The following FAM47C variants were observed in gnomAD, a reference collection of about 807,000 sequenced individuals.
FAM47C encodes putative protein FAM47C.
For synonymous variants in FAM47C, 307 were observed against 346.5 expected, an observed-to-expected ratio of 0.89 and a Z score of 1.27; for missense variants, 847 against 879.9, an observed-to-expected ratio of 0.96 and a Z score of 0.47.
In FAM47C at chrX:37,009,958, G is replaced by T; in HGVS notation, c.1548G>T (p.Glu516Asp). The change falls in exon 1 of 1, where the codon GAG (glutamate) becomes GAT (aspartate). Residue 516 changes from glutamate (E) to aspartate (D), a missense_variant. Glu to Asp is a conservative substitution (Grantham distance 45). Transcript: ENST00000358047. Reference sequence around the variant, plus strand: ...CTCATCTCCGCCCAGAGCCTTCTGAGACTGGAGTGTCCCATCTCCGCCCAG... The same window carrying T: ...CTCATCTCCGCCCAGAGCCTTCTGATACTGGAGTGTCCCATCTCCGCCCAG... ...RVSHLRPEPSETGVSHLRPEP... is the reference protein window; with the variant it reads ...RVSHLRPEPSDTGVSHLRPEP... The T allele has an allele frequency of 8.3e-7, 1 of 1,205,452 alleles. No homozygotes were observed. Among genetic ancestry groups the T allele is most frequent in the Non-Finnish European group, 1.1e-6 (1 of 893,255 alleles).
In FAM47C at chrX:37,009,954, C is replaced by A. The variant is rs782559585; in HGVS notation, c.1544C>A (p.Ser515Tyr). The A allele has an allele frequency of 1.7e-5, 21 of 1,203,321 alleles. No individual in the cohort carries two copies. The highest frequency in any genetic ancestry group is 2.4e-5 in the Non-Finnish European group (21 of 892,635). ...TRVSHLRPEP[S>Y]ETGVSHLRPE... is the part of the protein sequence containing the mutation. ...GTATCTCATCTCCGCCCAGAGCCTTCTGAGACTGGAGTGTCCCATCTCCGC... is the reference window on the plus strand; with the variant it reads ...GTATCTCATCTCCGCCCAGAGCCTTATGAGACTGGAGTGTCCCATCTCCGC... Residue 515 changes from serine to tyrosine, a missense_variant, in exon 1 of 1, where the codon TCT becomes TAT. By Grantham distance (144) the Ser-to-Tyr change is moderately radical. Coordinates refer to ENST00000358047, the MANE Select transcript of FAM47C (RefSeq NM_001013736.3).
chrX:37,008,591 G>T lies in FAM47C; in HGVS notation c.181G>T (p.Gly61Cys). ...VTEGMDDFRY[G>C]CQSPEDTLVC... ...GGAGGGCATGGACGACTTCCGCTAC[G>T]GCTGTCAGTCTCCTGAAGATACGCT... Residue 61 changes from glycine (G) to cysteine (C), a missense_variant, in exon 1 of 1, where the codon GGC becomes TGC. Transcript: ENST00000358047. The T allele has an allele frequency of 8.2e-7, 1 of 1,212,541 alleles. No individual in the cohort carries two copies. Among genetic ancestry groups the T allele is most frequent in the Non-Finnish European group, 1.1e-6 (1 of 895,651 alleles).
chrX:37,011,011 C>T lies in FAM47C; in HGVS notation c.2601C>T (p.Ser867=). ...WAGDLGVNEE[S]ISSLFDFTPE... is the part of the protein sequence containing the mutation. ...GAGACCTAGGAGTTAATGAAGAATCCATCAGCAGTCTGTTTGACTTTACCC... is the reference window on the plus strand; with the variant it reads ...GAGACCTAGGAGTTAATGAAGAATCTATCAGCAGTCTGTTTGACTTTACCC... The change falls in exon 1 of 1, where the codon TCC becomes TCT. Residue 867 remains serine, a synonymous_variant. Transcript: ENST00000358047. The T allele has an allele frequency of 8.3e-7, 1 of 1,212,010 alleles. No individual in the cohort carries two copies. The highest frequency in any genetic ancestry group is 1.1e-6 in the Non-Finnish European group (1 of 895,573).
rs1556331843 is a variant in FAM47C, at chrX:37,009,120, A to G, written c.710A>G (p.Glu237Gly). The G allele has an allele frequency of 1.4e-5, 17 of 1,206,549 alleles. No homozygotes were observed. Among genetic ancestry groups the G allele is most frequent in the Non-Finnish European group, 1.7e-5 (15 of 894,054 alleles). ...PKTQVSSLHL[E>G]PPETGVSHLR... ...ACTCAGGTGTCCAGTCTCCACCTGG[A>G]GCCTCCAGAGACTGGAGTGTCCCAT... Residue 237 changes from glutamate to glycine, a missense_variant, in exon 1 of 1, where the codon GAG becomes GGG. By Grantham distance (98) the Glu-to-Gly change is moderately conservative (BLOSUM62 -2). Transcript: ENST00000358047.
In FAM47C at chrX:37,009,611, CCT is replaced by C. The variant is rs782527178; in HGVS notation, c.1206_1207del (p.Phe403ProfsTer10). Reference sequence around the variant, plus strand: ...AGAGACCCCCAAGAATGGAGTGTCTCCTCTCTTCCCGGAGCCTCCCAAGACTC... The same window carrying C: ...AGAGACCCCCAAGAATGGAGTGTCTCCTCTTCCCGGAGCCTCCCAAGACTC... ...RPETPKNGVS[P>X]LFPEPPKTRI... On this transcript the variant is annotated frameshift_variant, in exon 1 of 1. Transcript: ENST00000358047. LOFTEE classifies it low-confidence loss of function (END_TRUNC). 8.3e-7 allele frequency: 1 copy of C among 1,207,530 alleles called. No homozygotes were observed. The highest frequency in any genetic ancestry group is 1.1e-6 in the Non-Finnish European group (1 of 894,085).
Position 37,010,072 on chromosome X carries a change from A to AGT in FAM47C, c.1665_1666dup (p.Ser556CysfsTer270). ...TCCGCCCAGAGCCTCCTGAGACTGG[A>AGT]GTGTCCCATCTCCGCCCAGAGCCTC... On this transcript the variant is annotated frameshift_variant, in exon 1 of 1. Transcript: ENST00000358047. LOFTEE classifies it low-confidence loss of function (END_TRUNC). The AGT allele has an allele frequency of 8.4e-7, 1 of 1,194,346 alleles. No individual in the cohort carries two copies. Among genetic ancestry groups the AGT allele is most frequent in the African/African-American group, 1.9e-5 (1 of 51,866 alleles).
rs782295827 is a variant in FAM47C at position 37,008,758 on chromosome X, G to GTTCC, written c.351_352insCTTC (p.Val118LeufsTer40). 4.6e-5 allele frequency: 56 copies of GTTCC among 1,209,909 alleles called. No homozygotes were observed. The East Asian group carries it at 1.5e-3, about 33-fold the overall frequency. ...CGCCAGCACAGCCAGCACGGAAGGC[G>GTTCC]TTCGTAGAGGAAGTGGAAGCCCAGC... On this transcript the variant is annotated frameshift_variant, in exon 1 of 1. Transcript: ENST00000358047. LOFTEE classifies it low-confidence loss of function (END_TRUNC).
chrX:37,010,037 G>A lies in FAM47C; in HGVS notation c.1627G>A (p.Val543Ile), dbSNP rs143115052. The A allele has an allele frequency of 1.9e-3, 2,304 of 1,187,918 alleles. 40 individuals carry two copies. In the African/African-American group the frequency reaches 0.038, roughly 19 times the overall value. Reference protein sequence around the residue: ...SLHQAPPESSVSHLRPEPPET... With the variant: ...SLHQAPPESSISHLRPEPPET... ...CCACCAGGCACCTCCTGAGAGTAGC[G>A]TATCTCATCTCCGCCCAGAGCCTCC... The change falls in exon 1 of 1, where the codon GTA (valine) becomes ATA (isoleucine). Residue 543 changes from valine to isoleucine, a missense_variant. Transcript: ENST00000358047.
chrX:37,009,752 T>C lies in FAM47C; in HGVS notation c.1342T>C (p.Ser448Pro), dbSNP rs1569416996. The C allele has an allele frequency of 8.3e-7, 1 of 1,203,585 alleles. No individual in the cohort carries two copies. Among genetic ancestry groups the C allele is most frequent in the African/African-American group, 1.8e-5 (1 of 54,929 alleles). ...CCCGGAACCTCCTGAGACTGGAGTG[T>C]CCCATCTCCGCCCAGAGCCTCCCAA... is the stretch of plus-strand genomic sequence containing the variant. ...LRPEPPETGV[S>P]HLRPEPPKTR... The change falls in exon 1 of 1, where the codon TCC becomes CCC. Residue 448 changes from serine to proline, a missense_variant. Physicochemically the swap from Ser to Pro is moderately conservative, Grantham distance 74. Coordinates refer to ENST00000358047, the MANE Select transcript of FAM47C (RefSeq NM_001013736.3).
chrX:37,009,690 G>T lies in FAM47C; in HGVS notation c.1280G>T (p.Cys427Phe), dbSNP rs782579471. 1.7e-6 allele frequency: 2 copies of T among 1,205,141 alleles called. No individual in the cohort carries two copies. The highest frequency in any genetic ancestry group is 2.2e-5 in the Admixed American group (1 of 45,367). Reference protein sequence around the residue: ...EPPKIGVSHLCLEPPKTRGSH... With the variant: ...EPPKIGVSHLFLEPPKTRGSH... ...CCCAAGATTGGAGTGTCCCATCTCT[G>T]CCTGGAGCCTCCCAAGACTCGCGGA... The change falls in exon 1 of 1, where the codon TGC (cysteine) becomes TTC (phenylalanine). Residue 427 changes from cysteine to phenylalanine, a missense_variant. Coordinates refer to ENST00000358047, the MANE Select transcript of FAM47C (RefSeq NM_001013736.3).
rs182977677 is a variant in FAM47C at position 37,009,927 on chromosome X, G to A, written c.1517G>A (p.Arg506His). The change falls in exon 1 of 1, where the codon CGC becomes CAC. Residue 506 changes from arginine to histidine, a missense_variant. Physicochemically the swap from Arg to His is conservative, Grantham distance 29. Transcript: ENST00000358047. ...SHLCPEPPKT[R>H]VSHLRPEPSE... ...CTCTGCCCAGAGCCCCCCAAGACAC[G>A]CGTATCTCATCTCCGCCCAGAGCCT... 22 of 1,200,604 alleles carry A rather than the reference G, an allele frequency of 1.8e-5. No individual in the cohort carries two copies. The African/African-American group carries it at 3.1e-4, about 17-fold the overall frequency.
Position 37,011,578 on chromosome X carries a change from G to T in FAM47C, c.*60G>T. 2.0e-6 allele frequency: 2 copies of T among 1,008,566 alleles called. No homozygotes were observed. Among genetic ancestry groups the T allele is most frequent in the Non-Finnish European group, 2.7e-6 (2 of 744,114 alleles). The allele number at this position is 1,008,566 out of a possible 1,213,427, so 83.1% of individuals were successfully genotyped here. ...TTGCTCTCATTTTAAACATCAGTCA[G>T]AATTTATGATGACTGGCCCCAGGAA... On this transcript the variant is annotated 3_prime_UTR_variant, in exon 1 of 1. Transcript: ENST00000358047.
chrX:37,009,987 C>G lies in FAM47C; in HGVS notation c.1577C>G (p.Pro526Arg). The part of the protein sequence containing the change: ...ETGVSHLRPE[P>R]PKILVSSLHQ... ...GGAGTGTCCCATCTCCGCCCAGAGCCTCCCAAGATTCTGGTGTCCAGTCTC... is the reference window on the plus strand; with the variant it reads ...GGAGTGTCCCATCTCCGCCCAGAGCGTCCCAAGATTCTGGTGTCCAGTCTC... Residue 526 changes from proline (P) to arginine (R), a missense_variant, in exon 1 of 1, where the codon CCT (proline) becomes CGT (arginine). Coordinates refer to ENST00000358047, the MANE Select transcript of FAM47C (RefSeq NM_001013736.3). The G allele has an allele frequency of 8.3e-7, 1 of 1,206,164 alleles. No homozygotes were observed. The highest frequency in any genetic ancestry group is 2.2e-5 in the Admixed American group (1 of 45,650).
In FAM47C at chrX:37,010,584, A is replaced by T. The variant is rs1479333242; in HGVS notation, c.2174A>T (p.His725Leu). The T allele has an allele frequency of 8.5e-7, 1 of 1,174,193 alleles. No individual in the cohort carries two copies. The highest frequency in any genetic ancestry group is 2.1e-5 in the African/African-American group (1 of 48,451). ...GAGCCTCCTGAGAGTCGCGTATCTCATCTCTGCCCGGAGCCTCCTGAGACT... is the reference window on the plus strand; with the variant it reads ...GAGCCTCCTGAGAGTCGCGTATCTCTTCTCTGCCCGGAGCCTCCTGAGACT... ...HAEPPESRVSHLCPEPPETGV... is the reference protein window; with the variant it reads ...HAEPPESRVSLLCPEPPETGV... Residue 725 changes from histidine (H) to leucine (L), a missense_variant, in exon 1 of 1, where the codon CAT (histidine) becomes CTT (leucine). His to Leu is a moderately conservative substitution (Grantham distance 99, BLOSUM62 -3). Transcript: ENST00000358047.
Position 37,009,338 on chromosome X carries a change from C to G in FAM47C, c.928C>G (p.Pro310Ala). The change falls in exon 1 of 1, where the codon CCT becomes GCT. Residue 310 changes from proline to alanine, a missense_variant. Physicochemically the swap from Pro to Ala is conservative, Grantham distance 27. Coordinates refer to ENST00000358047, the MANE Select transcript of FAM47C (RefSeq NM_001013736.3). Reference sequence around the variant, plus strand: ...TGGAGTGCCTGATCTCTGCCTGGAGCCTCCCAAGTCACGCGTATCTCATCT... The same window carrying G: ...TGGAGTGCCTGATCTCTGCCTGGAGGCTCCCAAGTCACGCGTATCTCATCT... ...ETGVPDLCLE[P>A]PKSRVSHLRP... 1.7e-6 allele frequency: 2 copies of G among 1,208,804 alleles called. No individual in the cohort carries two copies. The highest frequency in any genetic ancestry group is 5.9e-5 in the East Asian group (2 of 33,708).
In FAM47C at chrX:37,010,584, A is replaced by G; in HGVS notation, c.2174A>G (p.His725Arg). The part of the protein sequence containing the change: ...HAEPPESRVS[H>R]LCPEPPETGV... ...GAGCCTCCTGAGAGTCGCGTATCTC[A>G]TCTCTGCCCGGAGCCTCCTGAGACT... The change falls in exon 1 of 1, where the codon CAT becomes CGT. Residue 725 changes from histidine (H) to arginine (R), a missense_variant. Transcript: ENST00000358047. 4 of 1,177,052 alleles carry G rather than the reference A, an allele frequency of 3.4e-6. No homozygotes were observed. Among genetic ancestry groups the G allele is most frequent in the Non-Finnish European group, 4.5e-6 (4 of 880,802 alleles).
At position 37,010,137 on chromosome X, in the gene FAM47C, A is replaced by T; in HGVS notation, c.1727A>T (p.Asp576Val). 1 of 1,192,158 alleles carries T rather than the reference A, an allele frequency of 8.4e-7. No individual in the cohort carries two copies. The highest frequency in any genetic ancestry group is 1.1e-6 in the Non-Finnish European group (1 of 889,362). ...RMYSLRPEPPDTGVSHLCPEP... is the reference protein window; with the variant it reads ...RMYSLRPEPPVTGVSHLCPEP... The stretch of plus-strand genomic sequence containing the variant: ...TACAGTCTCCGCCCGGAGCCTCCCG[A>T]TACTGGAGTGTCCCATCTCTGCCCA... Residue 576 changes from aspartate to valine, a missense_variant, in exon 1 of 1, where the codon GAT becomes GTT. Coordinates refer to ENST00000358047, the MANE Select transcript of FAM47C (RefSeq NM_001013736.3).
Position 37,011,436 on chromosome X carries a change from ACT to A in FAM47C, c.3029_3030del (p.Ser1010CysfsTer2). The stretch of plus-strand genomic sequence containing the variant: ...TTTGCCAGGAGGGGATGGACTTATG[ACT>A]CTGTTAAGACTCCTATTCAACGTGC... On this transcript the variant is annotated frameshift_variant, in exon 1 of 1. Transcript: ENST00000358047. LOFTEE classifies it low-confidence loss of function (END_TRUNC). The A allele has an allele frequency of 8.3e-7, 1 of 1,211,688 alleles. No homozygotes were observed. Among genetic ancestry groups the A allele is most frequent in the Non-Finnish European group, 1.1e-6 (1 of 895,403 alleles).
In FAM47C at chrX:37,009,286, T is replaced by C; in HGVS notation, c.876T>C (p.Ser292=). 8.3e-7 allele frequency: 1 copy of C among 1,203,337 alleles called. No homozygotes were observed. The highest frequency in any genetic ancestry group is 1.1e-6 in the Non-Finnish European group (1 of 892,877). Residue 292 remains serine, a synonymous_variant, in exon 1 of 1, where the codon TCT becomes TCC. Transcript: ENST00000358047. The part of the protein sequence containing the change: ...LCPEPPKTRV[S]HLHREPPETG... ...CAGAGCCTCCCAAGACTCGCGTATC[T>C]CATCTCCATCGGGAGCCTCCTGAGA...
Sources: gnomAD v4.1 joint callset for allele counts on GRCh38, gnomAD v4.1.1 for gene constraint, MANE v1.5 for transcripts, NCBI Gene and HGNC (gene_info 2026-07-23, HGNC 2026-07-21) for gene names.